The following CLEC9A variants were observed in gnomAD, a reference collection of about 807,000 sequenced individuals.
CLEC9A encodes the protein C-type lectin domain containing 9A, also known as C-type lectin domain family 9 member A.
A neutral mutation model predicts 30.0 loss-of-function variants in CLEC9A; 24 were observed. The ratio of observed to expected loss-of-function variants is 0.80; its 90% CI spans 0.58 to 1.13. The LOEUF is 1.13. Ranked by LOEUF, CLEC9A falls within the 50% of genes most tolerant of loss-of-function variation. CLEC9A has a pLI of 0.00. For missense variants in CLEC9A, 251 were observed against 280.9 expected (o/e 0.89, Z 0.76); for synonymous variants, 111 against 96.8 (o/e 1.15, Z -0.86).
chr12:10,048,126 G>A (rs1176479800), intron 2 of CLEC9A, among the ~76,000 whole-genome samples: 1 of 150,008 alleles, frequency 6.7e-6, no homozygotes, highest in Admixed American at 6.6e-5. Context: ...CCAGCTACTC[G>A]GGAGGCTGAG....
intron 2 of CLEC9A, chr12:10,043,349 T>C (rs1865814030): frequency 5.3e-6 from 1 of 189,604 alleles, no homozygotes; most frequent in Non-Finnish European, 1.1e-5. Flanking sequence ...GAATAGAAAG[T>C]AATACTAGAA....
At chr12:10,064,096 G>A (rs1162647628) in intron 7 of CLEC9A, among the ~76,000 whole-genome samples, 1 of 152,100 alleles carries the variant, frequency 6.6e-6, no homozygotes, top group African/African-American at 2.4e-5. Context: ...GAAATAGAAT[G>A]CAAAATTGCA....
Position 10,064,771 on chromosome 12 carries a change from T to C in CLEC9A, c.511T>C (p.Tyr171His). Residue 171 changes from tyrosine to histidine, a missense_variant, in exon 8 of 9, where the codon TAT (tyrosine) becomes CAT (histidine). Coordinates refer to ENST00000355819, the MANE Select transcript of CLEC9A (RefSeq NM_207345.4). ...TGSLRKIKGS[Y>H]DYWVGLSQDG... ...CAGCTTGAGGAAGATTAAAGGAAGC[T>C]ATGATTACTGGGTGGGGTTGTCTCA... 2.5e-6 allele frequency: 4 copies of C among 1,612,878 alleles called. No homozygotes were observed. The highest frequency in any genetic ancestry group is 3.4e-6 in the Non-Finnish European group (4 of 1,179,418).
intron 2 of CLEC9A, among the ~76,000 whole-genome samples, chr12:10,051,255 T>C (rs1197352253): frequency 2.0e-5 from 3 of 151,644 alleles, no homozygotes; most frequent in Middle Eastern, 3.2e-3. Flanking sequence ...ATTTGCTGGA[T>C]ATTCTCTTCA....
At chr12:10,039,519 A>G (rs1398904666) in intron 1 of CLEC9A, among the ~76,000 whole-genome samples, 1 of 152,206 alleles carries the variant, frequency 6.6e-6, no homozygotes, top group African/African-American at 2.4e-5. Context: ...CCTATCTTGC[A>G]TATCCTAAGA....
intron 1 of CLEC9A, among the ~76,000 whole-genome samples, chr12:10,038,948 G>A (rs1865767581): frequency 6.6e-6 from 1 of 152,270 alleles, no homozygotes; most frequent in African/African-American, 2.4e-5. Context: ...TGGTATGGGG[G>A]TGGGCCATGC....
rs867329316 is a variant in CLEC9A at position 10,045,757 on chromosome 12, T to C, written c.-163+4137T>C. ...TCCTTTGATGTCATTTTTAGTATTA[T>C]CTTTACTACCAGAATCACTTACCTA... On this transcript the variant is annotated intron_variant, in intron 2 of 8. Coordinates refer to ENST00000355819, the MANE Select transcript of CLEC9A (RefSeq NM_207345.4). 6 of 172,208 alleles carry C rather than the reference T, an allele frequency of 3.5e-5. No homozygotes were observed. In the South Asian group the frequency reaches 7.2e-4, roughly 21 times the overall value. 10.7% of individuals were successfully genotyped at this position (172,208 alleles called of 1,614,324 possible).
At chr12:10,052,184 T>C (rs1189337257) in intron 3 of CLEC9A, 90 bp downstream of exon 3, 1 of 155,144 alleles carries the variant, frequency 6.4e-6, no homozygotes, top group African/African-American at 2.4e-5. Flanking sequence ...ATATACAGTA[T>C]GTAAATTTAT....
At chr12:10,042,862 T>C (rs1019880125) in intron 2 of CLEC9A, among the ~76,000 whole-genome samples, 1 of 152,224 alleles carries the variant, frequency 6.6e-6, no homozygotes, top group African/African-American at 2.4e-5. Flanking sequence ...TCACCAATAA[T>C]GTATTTCTTT....
Position 10,065,491 on chromosome 12 carries a change from C to T in CLEC9A, c.594-9C>T. The T allele has an allele frequency of 1.9e-6, 3 of 1,613,286 alleles. No homozygotes were observed. The highest frequency in any genetic ancestry group is 4.5e-5 in the East Asian group (2 of 44,836). ...GTCTAACCTCAGAAATGTTGACTTG[C>T]TTTTCCAGGTTGCCAGCAGAGAGAT... is the stretch of plus-strand genomic sequence containing the variant. On this transcript the variant is annotated splice_polypyrimidine_tract_variant and intron_variant, in intron 8 of 8. Coordinates refer to ENST00000355819, the MANE Select transcript of CLEC9A (RefSeq NM_207345.4).
At chr12:10,044,489 G>GT (rs751539879) in intron 2 of CLEC9A, among the ~76,000 whole-genome samples, 4 of 151,846 alleles carry the variant, frequency 2.6e-5, no homozygotes, top group East Asian at 1.9e-4. Flanking sequence ...AATTAGTGGG[G>GT]TTTTTTTTAT....
At chr12:10,051,020 C>A (rs1223258699) in intron 2 of CLEC9A, among the ~76,000 whole-genome samples, 1 of 152,012 alleles carries the variant, frequency 6.6e-6, no homozygotes, top group Admixed American at 6.6e-5. Flanking sequence ...GCCTGGCCAA[C>A]ATAGTGAAAC....
At position 10,052,674 on chromosome 12, in the gene CLEC9A, A is replaced by G; in HGVS notation, c.-14A>G. ...CTCCTGTGTGGACTGCTTTCCTATC[A>G]AAGCACCTTAGACATGCACGAGGAA... On this transcript the variant is annotated 5_prime_UTR_variant, in exon 4 of 9. Coordinates refer to ENST00000355819, the MANE Select transcript of CLEC9A (RefSeq NM_207345.4). 2 of 1,613,370 alleles carry G rather than the reference A, an allele frequency of 1.2e-6. No homozygotes were observed. Among genetic ancestry groups the G allele is most frequent in the Non-Finnish European group, 1.7e-6 (2 of 1,179,590 alleles).
intron 8 of CLEC9A, among the ~76,000 whole-genome samples, 187 bp from the exon 9 acceptor site, chr12:10,065,313 A>G (rs1224531672): frequency 2.0e-5 from 3 of 152,110 alleles, no homozygotes; most frequent in African/African-American, 7.2e-5. Flanking sequence ...GTTTTTGTTC[A>G]AATTATATTA....
chr12:10,042,653 T>C (rs1865807626), intron 2 of CLEC9A, among the ~76,000 whole-genome samples: 1 of 152,192 alleles, frequency 6.6e-6, no homozygotes, highest in African/African-American at 2.4e-5. Flanking sequence ...TACAGTATAG[T>C]AGGTAGTGAT....
chr12:10,033,456 A>C (rs543622598), intron 1 of CLEC9A, among the ~76,000 whole-genome samples: 3 of 152,320 alleles, frequency 2.0e-5, no homozygotes, highest in East Asian at 1.9e-4. Context: ...GATTCTTGGC[A>C]TATTGACTTT....
At chr12:10,045,727 T>C (rs1015250668) in intron 2 of CLEC9A, 2 of 209,954 alleles carry the variant, frequency 9.5e-6, no homozygotes, top group Non-Finnish European at 2.0e-5. Context: ...TATTTCTTCC[T>C]TTCTTCCTTT....
intron 1 of CLEC9A, chr12:10,040,938 T>C: frequency 4.8e-6 from 1 of 206,732 alleles, no homozygotes; most frequent in Non-Finnish European, 1.0e-5. Flanking sequence ...CAATATGTAA[T>C]AAAACAATCA....
chr12:10,065,692 C>G lies in CLEC9A; in HGVS notation c.*60C>G. On this transcript the variant is annotated 3_prime_UTR_variant, in exon 9 of 9. Transcript: ENST00000355819. ...TATTTGGAGCATGCCATTGGAAAACCCACCCCCACCCCCCCTCAAAAAAAC... is the reference window on the plus strand; with the variant it reads ...TATTTGGAGCATGCCATTGGAAAACGCACCCCCACCCCCCCTCAAAAAAAC... 1 of 1,471,936 alleles carries G rather than the reference C, an allele frequency of 6.8e-7. No homozygotes were observed. The highest frequency in any genetic ancestry group is 9.1e-7 in the Non-Finnish European group (1 of 1,094,078). The allele number at this position is 1,471,936 out of a possible 1,614,324, so 91.2% of individuals were successfully genotyped here. A position where few individuals can be genotyped will look rare whatever the true frequency, so the allele number is the denominator to read the frequency against.
Sources: gnomAD v4.1 joint callset for allele counts (sites outside exome capture counted in the v4.1 genomes callset) on GRCh38, gnomAD v4.1.1 for gene constraint, MANE v1.5 for transcripts, NCBI Gene and HGNC (gene_info 2026-07-23, HGNC 2026-07-21) for gene names.